IL17RC: variants seen among roughly 807,000 people sequenced by gnomAD.
The protein encoded by IL17RC is interleukin 17 receptor C.
A neutral mutation model predicts 86.7 loss-of-function variants in IL17RC; 53 were observed. That is an observed-to-expected ratio of 0.61 (90% CI 0.49 to 0.77). The LOEUF is 0.77. Ranked by LOEUF, IL17RC falls within the 30% of genes least tolerant of loss-of-function variation. The pLI is 0.00. For missense variants in IL17RC, 957 were observed against 940.0 expected (o/e 1.02, Z -0.24); for synonymous variants, 439 against 413.1 (o/e 1.06, Z -0.76).
chr3:9,926,039 T>C lies in IL17RC; in HGVS notation c.822+1748T>C. Among the ~76,000 whole-genome samples, 2 of 147,902 alleles carry C rather than the reference T, an allele frequency of 1.4e-5. 1 individual carries two copies. The highest frequency in any genetic ancestry group is 6.9e-3 in the Middle Eastern group (2 of 290). On this transcript the variant is annotated intron_variant, in intron 9 of 18. Transcript: ENST00000403601. ...GCCTGGCTAATTGTTTCCTTTTTTT[T>C]TTTTTTTTTTTTTTAATGGAGTTTC...
In IL17RC at chr3:9,918,399, G is replaced by A. The variant is rs1310939466; in HGVS notation, c.345G>A (p.Glu115=). The A allele has an allele frequency of 1.2e-6, 2 of 1,611,896 alleles. No individual in the cohort carries two copies. Among genetic ancestry groups the A allele is most frequent in the Non-Finnish European group, 8.5e-7 (1 of 1,178,978 alleles). ...GAGCAGCTGACTCAGGGGTGGAGGA[G>A]CCTAGGAATGGTGAGGAGAACCTGG... ...FGGAADSGVE[E]PRNASLQAQV... is the part of the protein sequence containing the mutation. Residue 115 remains glutamate, a synonymous_variant, in exon 4 of 19, where the codon GAG becomes GAA. Coordinates refer to ENST00000403601, the MANE Select transcript of IL17RC (RefSeq NM_153460.4).
intron 12 of IL17RC, among the ~76,000 whole-genome samples, 200 bp downstream of exon 12, chr3:9,928,830 A>C (rs2084366753): frequency 6.6e-6 from 1 of 152,206 alleles, no homozygotes; most frequent in Admixed American, 6.5e-5. Context: ...CATCTGTTTA[A>C]TGCAGATGAT....
intron 3 of IL17RC, 76 bp from the exon 4 acceptor site, chr3:9,918,259 G>T: frequency 7.0e-7 from 1 of 1,422,040 alleles, no homozygotes; most frequent in Non-Finnish European, 9.6e-7. Context: ...GGGCTTTCCA[G>T]AAGGAAGCCA....
rs776099209 is a variant in IL17RC at position 9,920,920 on chromosome 3, C to T, written c.578-5C>T. 1 of 1,609,578 alleles carries T rather than the reference C, an allele frequency of 6.2e-7. No individual in the cohort carries two copies. Reference sequence around the variant, plus strand: ...ACTGGAGGCTCTTCTGTGATCTCTCCTCAGACTGCAGGGGGCTCGAAGTCT... The same window carrying T: ...ACTGGAGGCTCTTCTGTGATCTCTCTTCAGACTGCAGGGGGCTCGAAGTCT... On this transcript the variant is annotated splice_region_variant and splice_polypyrimidine_tract_variant and intron_variant, in intron 6 of 18. Transcript: ENST00000403601.
At chr3:9,921,480 A>AC (rs1553580624) in intron 7 of IL17RC, among the ~76,000 whole-genome samples, 3 of 151,608 alleles carry the variant, frequency 2.0e-5, no homozygotes, top group African/African-American at 7.3e-5. Context: ...ACAAAACAAA[A>AC]ACAAAAAACT....
At chr3:9,926,393 T>C (rs1386015308) in intron 9 of IL17RC, among the ~76,000 whole-genome samples, 1 of 152,176 alleles carries the variant, frequency 6.6e-6, no homozygotes, top group African/African-American at 2.4e-5. Flanking sequence ...TCACTTACTT[T>C]CTTATTTGGG....
At chr3:9,923,787 G>T in intron 7 of IL17RC, 94 bp from the exon 8 acceptor site, 1 of 1,404,080 alleles carries the variant, frequency 7.1e-7, no homozygotes, top group African/African-American at 1.4e-5. Context: ...GAGCCTCCCA[G>T]TCTAGGGGGT....
At chr3:9,918,167 C>A in intron 3 of IL17RC, 92 bp downstream of exon 3, 2 of 1,415,832 alleles carry the variant, frequency 1.4e-6, no homozygotes, top group Non-Finnish European at 1.9e-6. Context: ...CAGTGCTAGG[C>A]ATCCTCAGTG....
In IL17RC at chr3:9,920,503, TA is replaced by T; in HGVS notation, c.479del (p.Tyr160LeufsTer8). 1 of 1,598,468 alleles carries T rather than the reference TA, an allele frequency of 6.3e-7. No individual in the cohort carries two copies. Among genetic ancestry groups the T allele is most frequent in the Middle Eastern group, 1.7e-4 (1 of 6,042 alleles). ...QFGQSVGSVV[Y>X]DCFEAALGSE... ...CCTCTCCTCACAGGGCTCTGTGGTA[TA>T]TGACTGCTTCGAGGCTGCCCTAGGG... On this transcript the variant is annotated frameshift_variant, in exon 6 of 19. Transcript: ENST00000403601. LOFTEE classifies it high-confidence loss of function.
At position 9,917,617 on chromosome 3, in the gene IL17RC, C is replaced by T. The variant is rs755594301; in HGVS notation, c.106-96C>T. On this transcript the variant is annotated intron_variant, in intron 1 of 18. Transcript: ENST00000403601. ...CTTTCTCTGGGAGGGTCTGGGAATA[C>T]GGAGCCCCAGAAAAAGGTAGGTGGA... is the stretch of plus-strand genomic sequence containing the variant. 28 of 1,614,032 alleles carry T rather than the reference C, an allele frequency of 1.7e-5. No homozygotes were observed. Among genetic ancestry groups the T allele is most frequent in the Admixed American group, 3.3e-5 (2 of 60,016 alleles).
Position 9,930,623 on chromosome 3 carries a change from C to T in IL17RC, c.1338+164C>T. On this transcript the variant is annotated intron_variant, in intron 15 of 18. Coordinates refer to ENST00000403601, the MANE Select transcript of IL17RC (RefSeq NM_153460.4). This position sits in a 1 kb window ranked among gnomAD's most constrained non-coding sequence, Gnocchi z 5.8. ...CCCAAGGAGCACACTGTTGGCTAGACACCCATAAACAGATAACCACACCTA... is the reference window on the plus strand; with the variant it reads ...CCCAAGGAGCACACTGTTGGCTAGATACCCATAAACAGATAACCACACCTA... 1.4e-6 allele frequency: 1 copy of T among 723,632 alleles called. No individual in the cohort carries two copies. Among genetic ancestry groups the T allele is most frequent in the Non-Finnish European group, 2.3e-6 (1 of 430,830 alleles). The allele number at this position is 723,632 out of a possible 1,614,324, so 44.8% of individuals were successfully genotyped here.
chr3:9,927,089 T>C (rs958527940), intron 9 of IL17RC, among the ~76,000 whole-genome samples: 2 of 152,222 alleles, frequency 1.3e-5, no homozygotes, highest in Non-Finnish European at 2.9e-5. Flanking sequence ...TCGGTGTTCC[T>C]AACTAAAGGC....
Position 9,933,415 on chromosome 3 carries a change from T to C in IL17RC, c.1985T>C (p.Phe662Ser). 6.2e-7 allele frequency: 1 copy of C among 1,613,252 alleles called. No individual in the cohort carries two copies. Among genetic ancestry groups the C allele is most frequent in the Non-Finnish European group, 8.5e-7 (1 of 1,179,816 alleles). Residue 662 changes from phenylalanine to serine, a missense_variant, in exon 19 of 19, where the codon TTC (phenylalanine) becomes TCC (serine). Phe to Ser is a radical substitution (Grantham distance 155, BLOSUM62 -2). Coordinates refer to ENST00000403601, the MANE Select transcript of IL17RC (RefSeq NM_153460.4). Reference protein sequence around the residue: ...VFTLPSQLPDFLGALQQPRAP... With the variant: ...VFTLPSQLPDSLGALQQPRAP... ...ACACTGCCCTCCCAACTGCCAGACT[T>C]CCTGGGGGCCCTGCAGCAGCCTCGC...
intron 5 of IL17RC, 34 bp from the exon 6 acceptor site, chr3:9,920,457 G>A (rs1485422542): frequency 7.2e-7 from 1 of 1,388,696 alleles, no homozygotes; most frequent in South Asian, 1.2e-5. Flanking sequence ...TCTGAGCCCT[G>A]CACCGCCAGC....
intron 9 of IL17RC, among the ~76,000 whole-genome samples, chr3:9,926,778 A>G (rs2084120947): frequency 6.6e-6 from 1 of 152,092 alleles, no homozygotes; most frequent in South Asian, 2.1e-4. Context: ...GCATGCCACC[A>G]TGCCCGGCTA....
intron 7 of IL17RC, among the ~76,000 whole-genome samples, chr3:9,921,846 T>C (rs902339524): frequency 2.0e-5 from 3 of 151,396 alleles, no homozygotes; most frequent in East Asian, 1.9e-4. Context: ...AGGATGGTCT[T>C]GATCTCCTGA....
rs1047548603 is a variant in IL17RC at position 9,929,845 on chromosome 3, C to G, written c.1111-7C>G. The G allele has an allele frequency of 1.2e-6, 2 of 1,614,112 alleles. No individual in the cohort carries two copies. The highest frequency in any genetic ancestry group is 4.5e-5 in the East Asian group (2 of 44,884). The stretch of plus-strand genomic sequence containing the variant: ...TAGTGGCCCTAACCATGGTCTCTTC[C>G]CAGCAGGTGAACAGCTCGGAGAAGC... On this transcript the variant is annotated splice_polypyrimidine_tract_variant and splice_region_variant and intron_variant, in intron 12 of 18. Coordinates refer to ENST00000403601, the MANE Select transcript of IL17RC (RefSeq NM_153460.4).
At chr3:9,925,790 T>G (rs2084007857) in intron 9 of IL17RC, among the ~76,000 whole-genome samples, 1 of 152,030 alleles carries the variant, frequency 6.6e-6, no homozygotes, top group Admixed American at 6.6e-5. Context: ...CGGCCTCTCC[T>G]AGCTCCAAAT....
At chr3:9,921,755 GC>G (rs2083579860) in intron 7 of IL17RC, among the ~76,000 whole-genome samples, 1 of 149,912 alleles carries the variant, frequency 6.7e-6, no homozygotes, top group Non-Finnish European at 1.5e-5. Context: ...CTCCCGAGTA[GC>G]TGGGACTACA....
Sources: allele counts gnomAD v4.1 joint callset (sites outside exome capture counted in the v4.1 genomes callset), GRCh38; gene constraint gnomAD v4.1.1; non-coding constraint Gnocchi (gnomAD v3.1); transcripts MANE v1.5; gene names NCBI Gene and HGNC (gene_info 2026-07-23, HGNC 2026-07-21).